Variants in DDX54 observed in about 807,000 individuals in gnomAD.
DDX54 encodes the protein ATP-dependent RNA helicase DDX54.
In DDX54, 67 loss-of-function variants were observed where a neutral mutation model predicts 105.5. That is an observed-to-expected ratio of 0.64 (90% CI 0.52 to 0.78). The LOEUF is 0.78. DDX54 is among the 30% of genes least tolerant of loss of function. The probability of loss-of-function intolerance (pLI) is 0.00; values close to 1 mark genes in which losing one functional copy is unlikely to be tolerated. For synonymous variants in DDX54, 514 were observed against 509.9 expected (o/e 1.01, Z -0.11); for missense variants, 1,206 against 1,230.5 (o/e 0.98, Z 0.30).
In DDX54 at chr12:113,164,102, T is replaced by C. The variant is rs999613841; in HGVS notation, c.1903A>G (p.Lys635Glu). ...TCTCCCGCCTCCTCCTCCTCCTCCT[T>C]CTCAGGCTGCTTCTCCTGCAGTGCT... is the stretch of plus-strand genomic sequence containing the variant. ...RPALQEKQPEKEEEEEAGESV... is the reference protein window; with the variant it reads ...RPALQEKQPEEEEEEEAGESV... The change falls in exon 15 of 20, where the codon AAG becomes GAG. Residue 635 changes from lysine (K) to glutamate (E), a missense_variant. Lys to Glu is a moderately conservative substitution (Grantham distance 56, BLOSUM62 1). This residue lies in a region of DDX54 where 961 missense variants were observed against 1,019.1 expected (regional missense o/e 0.94). Coordinates refer to ENST00000306014, the MANE Select transcript of DDX54 (RefSeq NM_024072.4). 3 of 1,551,036 alleles carry C rather than the reference T, an allele frequency of 1.9e-6. No individual in the cohort carries two copies. The highest frequency in any genetic ancestry group is 1.7e-4 in the Middle Eastern group (1 of 5,990).
chr12:113,173,097 C>T (rs369813094), intron 10 of DDX54, among the ~76,000 whole-genome samples: 12 of 152,238 alleles, frequency 7.9e-5, no homozygotes, highest in East Asian at 3.9e-4. Flanking sequence ...TCCAGCATTT[C>T]GGGAAACCAA....
intron 12 of DDX54, chr12:113,167,977 G>A (rs765599540): frequency 6.0e-6 from 3 of 502,536 alleles, no homozygotes; most frequent in Non-Finnish European, 1.2e-5. Context: ...TGCACTCTCA[G>A]CTTTGCCCCC....
At chr12:113,185,133 C>A in intron 1 of DDX54, 145 bp downstream of exon 1, 4 of 1,034,342 alleles carry the variant, frequency 3.9e-6, no homozygotes, top group Non-Finnish European at 5.1e-6. Flanking sequence ...CTCAGGCCGG[C>A]GGTCCCAAGA....
chr12:113,170,933 T>C (rs1217221134), intron 11 of DDX54, among the ~76,000 whole-genome samples: 1 of 152,230 alleles, frequency 6.6e-6, no homozygotes, highest in Non-Finnish European at 1.5e-5. Context: ...CCAATATGAT[T>C]GCAATTTTGC....
Position 113,185,317 on chromosome 12 carries a change from C to T in DDX54, c.135G>A (p.Glu45=). 2.5e-6 allele frequency: 4 copies of T among 1,588,176 alleles called. No homozygotes were observed. Among genetic ancestry groups the T allele is most frequent in the Non-Finnish European group, 3.4e-6 (4 of 1,171,118 alleles). The change falls in exon 1 of 20, where the codon GAG becomes GAA. Residue 45 remains glutamate, a synonymous_variant. Coordinates refer to ENST00000306014, the MANE Select transcript of DDX54 (RefSeq NM_024072.4). ...QARGSDSEDG[E]FEIQAEDDAR... is the part of the protein sequence containing the mutation. The stretch of plus-strand genomic sequence containing the variant: ...CGTCATCTTCCGCCTGGATCTCAAA[C>T]TCGCCGTCCTCCGAGTCGCTGCCGC...
chr12:113,161,902 T>A lies in DDX54; in HGVS notation c.2291A>T (p.Lys764Met). Residue 764 changes from lysine to methionine, a missense_variant, in exon 18 of 20, where the codon AAG becomes ATG. Lys to Met is a moderately conservative substitution (Grantham distance 95). This residue lies in a region of DDX54 where 961 missense variants were observed against 1,019.1 expected (regional missense o/e 0.94). Transcript: ENST00000306014. ...ESGRYISSSYKRDLYQKWKQK... is the reference protein window; with the variant it reads ...ESGRYISSSYMRDLYQKWKQK... ...ACGCCCCTCAGGATACAGGTCTCGC[T>A]TGTAGGAGCTGCTGATGTAGCGGCC... 6.3e-7 allele frequency: 1 copy of A among 1,597,952 alleles called. No homozygotes were observed. The highest frequency in any genetic ancestry group is 8.5e-7 in the Non-Finnish European group (1 of 1,171,318).
chr12:113,172,605 G>C, intron 10 of DDX54, 42 bp from the exon 11 acceptor site: 1 of 1,602,116 alleles, frequency 6.2e-7, no homozygotes, highest in South Asian at 1.1e-5. Flanking sequence ...AAGGAGACTT[G>C]GAGGAGAAAG....
chr12:113,172,298 T>G, intron 11 of DDX54, 55 bp downstream of exon 11: 1 of 1,576,138 alleles, frequency 6.3e-7, no homozygotes, highest in African/African-American at 1.4e-5. Flanking sequence ...TACCCTCGGC[T>G]TCTGCCAGGA....
rs779257909 is a variant in DDX54, at chr12:113,163,169, T to C, written c.2044A>G (p.Ile682Val). 4.3e-6 allele frequency: 7 copies of C among 1,613,128 alleles called. No individual in the cohort carries two copies. The highest frequency in any genetic ancestry group is 5.9e-6 in the Non-Finnish European group (7 of 1,179,986). ...TCAAAGTCCTTGGGCCGGTAGGGGA[T>C]GTAGAATTCCTGGTCCCGCTGCCGG... Reference protein sequence around the residue: ...EARQRDQEFYIPYRPKDFDSE... With the variant: ...EARQRDQEFYVPYRPKDFDSE... The change falls in exon 16 of 20, where the codon ATC becomes GTC. Residue 682 changes from isoleucine (I) to valine (V), a missense_variant. Around this residue, in one of 3 missense-constraint regions of DDX54, gnomAD observed 961 missense variants for 1,019.1 expected, o/e 0.94. Transcript: ENST00000306014. The surrounding 1 kb of genome is among the most constrained non-coding windows in gnomAD (Gnocchi z 5.9).
chr12:113,177,185 T>A (rs1433070803), intron 5 of DDX54, 92 bp from the exon 6 acceptor site: 1 of 1,473,104 alleles, frequency 6.8e-7, no homozygotes, highest in Non-Finnish European at 9.3e-7. Context: ...GCACACCCCA[T>A]CCCCAGGAAC....
intron 11 of DDX54, among the ~76,000 whole-genome samples, chr12:113,171,785 A>G (rs1358202520): frequency 6.6e-6 from 1 of 152,182 alleles, no homozygotes; most frequent in Non-Finnish European, 1.5e-5. Context: ...CGGCCATGTC[A>G]TCAGAGAGCA....
In DDX54 at chr12:113,169,896, C is replaced by A. The variant is rs570862141; in HGVS notation, c.1288G>T (p.Ala430Ser). 7 of 1,613,998 alleles carry A rather than the reference C, an allele frequency of 4.3e-6. No homozygotes were observed. The South Asian group carries it at 7.7e-5, about 18-fold the overall frequency. Residue 430 changes from alanine (A) to serine (S), a missense_variant, in exon 12 of 20, where the codon GCT becomes TCT. Physicochemically the swap from Ala to Ser is moderately conservative, Grantham distance 99 (BLOSUM62 1). Around this residue, in one of 3 missense-constraint regions of DDX54, gnomAD observed 961 missense variants for 1,019.1 expected, o/e 0.94. Transcript: ENST00000306014. ...GCTGTGCCACTTCGGCCAGCCCGAGCCACACGGCCTGCAGCAAGGAGACGT... is the reference window on the plus strand; with the variant it reads ...GCTGTGCCACTTCGGCCAGCCCGAGACACACGGCCTGCAGCAAGGAGACGT... ...KLFLHRVGRVARAGRSGTAYS... is the reference protein window; with the variant it reads ...KLFLHRVGRVSRAGRSGTAYS...
intron 14 of DDX54, among the ~76,000 whole-genome samples, chr12:113,164,928 G>A (rs564390143): frequency 1.3e-5 from 2 of 151,978 alleles, no homozygotes; most frequent in African/African-American, 2.4e-5. Context: ...TCAGGAGGCT[G>A]AGATAGGAGG....
At chr12:113,166,092 C>T (rs1406461491) in intron 12 of DDX54, 60 bp from the exon 13 acceptor site, 9 of 1,527,980 alleles carry the variant, frequency 5.9e-6, no homozygotes, top group Middle Eastern at 2.2e-4. Flanking sequence ...GTCCACTGCC[C>T]GACCACCACT....
At chr12:113,183,030 G>A (rs1418062543) in intron 1 of DDX54, among the ~76,000 whole-genome samples, 7 of 150,486 alleles carry the variant, frequency 4.7e-5, no homozygotes, top group African/African-American at 7.4e-5. Context: ...GCTAATTTTT[G>A]TATTTTTTGT....
chr12:113,180,755 G>A (rs1952456713), intron 2 of DDX54, among the ~76,000 whole-genome samples, 174 bp downstream of exon 2: 1 of 152,176 alleles, frequency 6.6e-6, no homozygotes, highest in Non-Finnish European at 1.5e-5. Context: ...CCTCTCCTGT[G>A]TCAGGCCCGC....
At chr12:113,173,252 G>A (rs1230299906) in intron 10 of DDX54, among the ~76,000 whole-genome samples, 2 of 152,198 alleles carry the variant, frequency 1.3e-5, no homozygotes, top group Admixed American at 6.5e-5. Context: ...AGGTACTTCG[G>A]AGGCTGAGGT....
In DDX54 at chr12:113,172,408, G is replaced by A; in HGVS notation, c.1224C>T (p.Asp408=). The change falls in exon 11 of 20, where the codon GAC becomes GAT. Residue 408 remains aspartate, a synonymous_variant. Transcript: ENST00000306014. ...CGGGGAAGCTGTAGTTGATGACATT[G>A]TCCAGCAGCGGGATGTCCAGGCCTC... ...AARGLDIPLL[D]NVINYSFPAK... 6.2e-7 allele frequency: 1 copy of A among 1,614,266 alleles called. No homozygotes were observed. The highest frequency in any genetic ancestry group is 8.5e-7 in the Non-Finnish European group (1 of 1,180,050).
At chr12:113,172,227 G>T (rs892623713) in intron 11 of DDX54, 126 bp downstream of exon 11, 32 of 1,066,574 alleles carry the variant, frequency 3.0e-5, no homozygotes, top group Non-Finnish European at 4.1e-5. Flanking sequence ...ATATAGCGAG[G>T]CTCTGTCTCT....
Sources: allele counts gnomAD v4.1 joint callset (sites outside exome capture counted in the v4.1 genomes callset), GRCh38; gene constraint gnomAD v4.1.1; regional missense constraint gnomAD v4.1.1; non-coding constraint Gnocchi (gnomAD v3.1); transcripts MANE v1.5; gene names NCBI Gene and HGNC (gene_info 2026-07-23, HGNC 2026-07-21).